Variants in ERBB4 observed in about 807,000 individuals in gnomAD.
The protein encoded by ERBB4 is receptor tyrosine-protein kinase erbB-4.
In ERBB4, 42 loss-of-function variants were observed where a neutral mutation model predicts 158.0. The observed-to-expected ratio is 0.27, with a 90% CI of 0.21 to 0.34. The LOEUF is 0.34. Ranked by LOEUF, ERBB4 falls within the 10% of genes least tolerant of loss-of-function variation. The pLI is 1.00. For missense variants in ERBB4, 1,333 were observed against 1,624.1 expected, an observed-to-expected ratio of 0.82 and a Z score of 3.08; for synonymous variants, 583 against 558.7, an observed-to-expected ratio of 1.04 and a Z score of -0.61.
In ERBB4 at chr2:212,102,090, T is replaced by TATATATATATATATATATATATATATA. The variant is rs1553558603; in HGVS notation, c.234+22661_234+22662insTATATATATATATATATATATATATAT. 2.7e-3 allele frequency among the ~76,000 whole-genome samples: 290 copies of TATATATATATATATATATATATATATA among 107,882 alleles called. 11 individuals are homozygous for TATATATATATATATATATATATATATA. The highest frequency in any genetic ancestry group is 0.012 in the South Asian group (34 of 2,812). 70.8% of individuals were successfully genotyped at this position (107,882 alleles called of 152,430 possible). A position where few individuals can be genotyped will look rare whatever the true frequency, so the allele number is the denominator to read the frequency against. ...AAATCATATACGTTGAAAATTTATT[T>TATATATATATATATATATATATATATA]TATATATATATATATATATATATGT... is the stretch of plus-strand genomic sequence containing the variant. On this transcript the variant is annotated intron_variant, in intron 2 of 27. Coordinates refer to ENST00000342788, the MANE Select transcript of ERBB4 (RefSeq NM_005235.3).
intron 1 of ERBB4, among the ~76,000 whole-genome samples, chr2:212,132,235 AT>A (rs1439230963): frequency 1.3e-5 from 2 of 152,176 alleles, no homozygotes; most frequent in African/African-American, 4.8e-5. Context: ...AGATGAAATC[AT>A]TTACCTTTTA....
At chr2:211,644,443 A>T (rs1253977916) in intron 16 of ERBB4, among the ~76,000 whole-genome samples, 1 of 77,716 alleles carries the variant, frequency 1.3e-5, no homozygotes, top group Non-Finnish European at 3.4e-5. Context: ...CAGCCTCCAG[A>T]TAATGTAAGA....
Position 212,320,603 on chromosome 2 carries a change from G to A in ERBB4, c.83-195700C>T, listed in dbSNP as rs555869003. ...AAAGGTTGAAAGTCTCTGAGGGCAG[G>A]AGTGAAGCTAGGGGAAAGGCTTGAG... On this transcript the variant is annotated intron_variant, in intron 1 of 27. Coordinates refer to ENST00000342788, the MANE Select transcript of ERBB4 (RefSeq NM_005235.3). Among the ~76,000 whole-genome samples, 108 of 149,706 alleles carry A rather than the reference G, an allele frequency of 7.2e-4. 8 individuals carry two copies. In the South Asian group the frequency reaches 0.023, roughly 32 times the overall value.
chr2:211,726,116 C>A (rs55897719), intron 5 of ERBB4, among the ~76,000 whole-genome samples: 36,302 of 152,006 alleles, frequency 0.24, 5,064 homozygotes, highest in South Asian at 0.31. Context: ...ATATCACTTC[C>A]TGGTTTCTGT....
intron 20 of ERBB4, among the ~76,000 whole-genome samples, chr2:211,481,228 G>C (rs1023175234): frequency 6.6e-6 from 1 of 152,004 alleles, no homozygotes; most frequent in Non-Finnish European, 1.5e-5. Context: ...TAATAAGAAA[G>C]AGATAATTGA....
intron 2 of ERBB4, among the ~76,000 whole-genome samples, chr2:212,051,486 A>G (rs1446806764): frequency 6.6e-6 from 1 of 152,076 alleles, no homozygotes; most frequent in Non-Finnish European, 1.5e-5. Context: ...ATTTTTAGCA[A>G]TTTTCATAAT....
intron 1 of ERBB4, among the ~76,000 whole-genome samples, chr2:212,163,083 ATCTCT>A (rs2081249175): frequency 6.6e-6 from 1 of 151,928 alleles, no homozygotes; most frequent in Non-Finnish European, 1.5e-5. Flanking sequence ...GAATAAGAGA[ATCTCT>A]TATCTATGAG....
intron 1 of ERBB4, among the ~76,000 whole-genome samples, chr2:212,140,524 T>G (rs987197081): frequency 1.7e-5 from 2 of 115,910 alleles, no homozygotes; most frequent in African/African-American, 1.0e-4. Context: ...TTTAAAAATG[T>G]TTTTTTTTTA....
intron 1 of ERBB4, among the ~76,000 whole-genome samples, chr2:212,290,018 G>T (rs575697822): frequency 1.3e-5 from 2 of 151,920 alleles, no homozygotes; most frequent in Non-Finnish European, 2.9e-5. Flanking sequence ...TCATATTTAA[G>T]TTTAAGAGCC....
rs541056995 is a variant in ERBB4, at chr2:212,129,003, G to C, written c.83-4100C>G. ...TAAAATCTTTATAAACTAATAAAAT[G>C]ACTGTTGAGAAAAGGTATTATTATA... On this transcript the variant is annotated intron_variant, in intron 1 of 27. Coordinates refer to ENST00000342788, the MANE Select transcript of ERBB4 (RefSeq NM_005235.3). Among the ~76,000 whole-genome samples the C allele has an allele frequency of 5.0e-4, 76 of 152,046 alleles. 1 individual carries two copies. The highest frequency in any genetic ancestry group is 1.8e-3 in the African/African-American group (75 of 41,524).
intron 3 of ERBB4, among the ~76,000 whole-genome samples, chr2:211,931,039 A>G (rs1370311251): frequency 6.6e-6 from 1 of 152,116 alleles, no homozygotes; most frequent in African/African-American, 2.4e-5. Flanking sequence ...AGAAATGAAC[A>G]ATGAATAGGA....
At chr2:211,712,586 C>T (rs1423233836) in intron 8 of ERBB4, among the ~76,000 whole-genome samples, 1 of 151,908 alleles carries the variant, frequency 6.6e-6, no homozygotes, top group Non-Finnish European at 1.5e-5. Context: ...GATTTCATGG[C>T]CTACATACTA....
chr2:212,375,540 G>C (rs554784524), intron 1 of ERBB4, among the ~76,000 whole-genome samples: 1 of 152,102 alleles, frequency 6.6e-6, no homozygotes. Context: ...CTACATATCT[G>C]AGAGTGTAAA....
Position 211,704,112 on chromosome 2 carries a change from T to A in ERBB4, c.1281A>T (p.Val427=), listed in dbSNP as rs1346189613. 6.3e-7 allele frequency: 1 copy of A among 1,591,052 alleles called. No homozygotes were observed. Among genetic ancestry groups the A allele is most frequent in the Non-Finnish European group, 8.6e-7 (1 of 1,159,098 alleles). The change falls in exon 11 of 28, where the codon GTA becomes GTT. Residue 427 remains valine (V), a synonymous_variant. Coordinates refer to ENST00000342788, the MANE Select transcript of ERBB4 (RefSeq NM_005235.3). ...TAAACATATCCACTTACCTATAGAG[T>A]ACTCTTCCACCAATGGTCACCAGGT... ...FSNLVTIGGR[V]LYSGLSLLIL...
chr2:212,318,806 C>T (rs146825542), intron 1 of ERBB4, among the ~76,000 whole-genome samples: 67 of 151,468 alleles, frequency 4.4e-4, no homozygotes, highest in African/African-American at 1.5e-3. Context: ...AAGTCTTGCC[C>T]GAAGCTGAAA....
intron 1 of ERBB4, among the ~76,000 whole-genome samples, chr2:212,331,488 T>C (rs555277629): frequency 1.8e-4 from 28 of 152,002 alleles, no homozygotes; most frequent in African/African-American, 6.5e-4. Flanking sequence ...ATCTATTCCC[T>C]CTCCTTCAGT....
At chr2:211,998,552 T>G (rs964176534) in intron 2 of ERBB4, among the ~76,000 whole-genome samples, 1 of 135,190 alleles carries the variant, frequency 7.4e-6, no homozygotes, top group Admixed American at 7.3e-5. Context: ...AAAAAAGAAA[T>G]AATCCCTCCT....
At chr2:211,997,753 T>C (rs1179579363) in intron 2 of ERBB4, among the ~76,000 whole-genome samples, 1 of 152,058 alleles carries the variant, frequency 6.6e-6, no homozygotes, top group East Asian at 1.9e-4. Flanking sequence ...AAAAACCATG[T>C]TGACTGCATT....
Position 211,376,061 on chromosome 2 carries a change from A to G in ERBB4, c.*7554T>C, listed in dbSNP as rs929845892. The G allele has an allele frequency of 8.6e-6, 2 of 233,034 alleles. No homozygotes were observed. The highest frequency in any genetic ancestry group is 4.4e-5 in the African/African-American group (2 of 45,310). The allele number at this position is 233,034 out of a possible 1,614,324, so 14.4% of individuals were successfully genotyped here. The stretch of plus-strand genomic sequence containing the variant: ...GAATAAGAGAAAGTATACTAAAAAT[A>G]TGCCTAACATTAAAAAAGTTAGTAT... On this transcript the variant is annotated 3_prime_UTR_variant, in exon 28 of 28. Transcript: ENST00000342788.
Sources: allele counts gnomAD v4.1 joint callset (sites outside exome capture counted in the v4.1 genomes callset), GRCh38; gene constraint gnomAD v4.1.1; transcripts MANE v1.5; gene names NCBI Gene and HGNC (gene_info 2026-07-23, HGNC 2026-07-21).